Variants in MTX2 observed in about 807,000 individuals in gnomAD.
MTX2 encodes the protein metaxin 2, also known as metaxin-2.
Under a neutral mutation model 42.3 loss-of-function variants are expected in MTX2, and 35 were observed. The ratio of observed to expected loss-of-function variants is 0.83; its 90% CI spans 0.63 to 1.10. The LOEUF (loss-of-function observed/expected upper bound fraction) is 1.10, where lower values mean the gene tolerates loss of function less well. Ranked by LOEUF, MTX2 falls within the 50% of genes least tolerant of loss-of-function variation. The pLI is 0.00. For missense variants in MTX2, 307 were observed against 304.1 expected, an observed-to-expected ratio of 1.01 and a Z score of -0.07; for synonymous variants, 119 against 100.9, an observed-to-expected ratio of 1.18 and a Z score of -1.08.
chr2:176,280,282 T>C (rs893441252), intron 1 of MTX2, among the ~76,000 whole-genome samples: 1 of 151,742 alleles, frequency 6.6e-6, no homozygotes, highest in African/African-American at 2.4e-5. Context: ...TCAAAATCTA[T>C]GTCTGAAGCA....
At chr2:176,323,653 A>C (rs565858672) in intron 4 of MTX2, among the ~76,000 whole-genome samples, 189 bp downstream of exon 4, 1 of 151,732 alleles carries the variant, frequency 6.6e-6, no homozygotes, top group Admixed American at 6.6e-5. Flanking sequence ...ATTCATTTCA[A>C]CTGTGATCAG....
intron 3 of MTX2, among the ~76,000 whole-genome samples, chr2:176,317,662 A>G (rs538614386): frequency 1.3e-5 from 2 of 152,230 alleles, no homozygotes; most frequent in Non-Finnish European, 2.9e-5. Context: ...CCAGAGAGAT[A>G]TCCTGGAGTG....
At chr2:176,317,252 CA>C (rs1438531649) in intron 3 of MTX2, among the ~76,000 whole-genome samples, 1 of 152,070 alleles carries the variant, frequency 6.6e-6, no homozygotes, top group Non-Finnish European at 1.5e-5. Flanking sequence ...CCTCTCTCTA[CA>C]CCCTGATCTC....
At chr2:176,329,925 CTATCTATATTTT>C (rs1419422916) in intron 8 of MTX2, among the ~76,000 whole-genome samples, 1 of 150,846 alleles carries the variant, frequency 6.6e-6, no homozygotes, top group African/African-American at 2.4e-5. Flanking sequence ...ATCTATCTGT[CTATCTATATTTT>C]TGCTACTAAA....
chr2:176,313,556 G>T (rs1020675976), intron 3 of MTX2, among the ~76,000 whole-genome samples: 61 of 151,634 alleles, frequency 4.0e-4, no homozygotes, highest in Non-Finnish European at 4.0e-4. Context: ...CCACCACCCA[G>T]CTAATTTTTG....
intron 1 of MTX2, among the ~76,000 whole-genome samples, chr2:176,294,422 T>C (rs1425326598): frequency 6.6e-6 from 1 of 152,034 alleles, no homozygotes; most frequent in Non-Finnish European, 1.5e-5. Flanking sequence ...TAGCTGGGAT[T>C]ACAGGCGCCA....
chr2:176,287,615 G>A (rs1403996), intron 1 of MTX2, among the ~76,000 whole-genome samples: 111,475 of 152,082 alleles, frequency 0.73, 41,509 homozygotes, highest in African/African-American at 0.86. Context: ...TGGATATACA[G>A]TAGACTCTTA....
intron 3 of MTX2, among the ~76,000 whole-genome samples, chr2:176,305,005 T>A (rs1216337550): frequency 6.6e-6 from 1 of 152,098 alleles, no homozygotes; most frequent in African/African-American, 2.4e-5. Context: ...CTTTAAAAAC[T>A]TATTAAAGGC....
Position 176,295,943 on chromosome 2 carries a change from T to C in MTX2, c.41-917T>C, listed in dbSNP as rs75879165. Among the ~76,000 whole-genome samples the C allele has an allele frequency of 1.4e-4, 21 of 152,256 alleles. No homozygotes were observed. The East Asian group carries it at 4.1e-3, about 29-fold the overall frequency. Reference sequence around the variant, plus strand: ...CATATATTTAGTTGCTGAGAGCAAATGTAGTTATGTTATTAAAATGGGTGA... The same window carrying C: ...CATATATTTAGTTGCTGAGAGCAAACGTAGTTATGTTATTAAAATGGGTGA... On this transcript the variant is annotated intron_variant, in intron 1 of 9. Coordinates refer to ENST00000249442, the MANE Select transcript of MTX2 (RefSeq NM_006554.5).
At chr2:176,283,482 A>G (rs1033043880) in intron 1 of MTX2, among the ~76,000 whole-genome samples, 6 of 152,122 alleles carry the variant, frequency 3.9e-5, no homozygotes, top group Non-Finnish European at 7.4e-5. Context: ...TTCTTGGAGA[A>G]TCTTGCAGTT....
chr2:176,324,402 A>G (rs1216485007), intron 4 of MTX2, among the ~76,000 whole-genome samples: 1 of 151,690 alleles, frequency 6.6e-6, no homozygotes, highest in Non-Finnish European at 1.5e-5. Flanking sequence ...ATGAATATAC[A>G]TTTAGAAAAC....
chr2:176,277,738 T>A (rs1334986795), intron 1 of MTX2, among the ~76,000 whole-genome samples: 4 of 152,132 alleles, frequency 2.6e-5, no homozygotes, highest in African/African-American at 9.7e-5. Context: ...GATATTTTGT[T>A]ATTTTTACTC....
At position 176,326,805 on chromosome 2, in the gene MTX2, C is replaced by CA. The variant is rs1553475214; in HGVS notation, c.209-20_209-19insA. On this transcript the variant is annotated intron_variant, in intron 4 of 9. Coordinates refer to ENST00000249442, the MANE Select transcript of MTX2 (RefSeq NM_006554.5). ...CATACTGGAAGTATTTTTATAAATA[C>CA]TTTTTTTTTCTCTCAACAGGTAAAG... 1 of 1,425,714 alleles carries CA rather than the reference C, an allele frequency of 7.0e-7. No homozygotes were observed. The highest frequency in any genetic ancestry group is 9.5e-7 in the Non-Finnish European group (1 of 1,047,488). 88.3% of individuals were successfully genotyped at this position (1,425,714 alleles called of 1,614,324 possible).
At chr2:176,320,892 TC>T (rs1684569532) in intron 3 of MTX2, among the ~76,000 whole-genome samples, 1 of 152,022 alleles carries the variant, frequency 6.6e-6, no homozygotes, top group African/African-American at 2.4e-5. Context: ...GAATGGGTTC[TC>T]CCTATGTTTT....
intron 9 of MTX2, among the ~76,000 whole-genome samples, chr2:176,334,498 C>A (rs1424831682): frequency 6.6e-6 from 1 of 151,788 alleles, no homozygotes; most frequent in Non-Finnish European, 1.5e-5. Flanking sequence ...GGGATCTATT[C>A]ATTATTGGTT....
chr2:176,274,279 A>T (rs1465576546), intron 1 of MTX2, among the ~76,000 whole-genome samples: 1 of 152,166 alleles, frequency 6.6e-6, no homozygotes, highest in Non-Finnish European at 1.5e-5. Flanking sequence ...TTGATGAGCA[A>T]AGCTATTTCA....
At chr2:176,298,171 A>G (rs1415640416) in intron 3 of MTX2, among the ~76,000 whole-genome samples, 1 of 151,206 alleles carries the variant, frequency 6.6e-6, no homozygotes, top group African/African-American at 2.4e-5. Flanking sequence ...GTGTCTTAGC[A>G]GTTGTTTTGC....
At chr2:176,272,623 C>T (rs1025422029) in intron 1 of MTX2, among the ~76,000 whole-genome samples, 1 of 151,964 alleles carries the variant, frequency 6.6e-6, no homozygotes, top group African/African-American at 2.4e-5. Flanking sequence ...CTGTTAAATA[C>T]GTTGTCTTGA....
At chr2:176,336,950 A>G (rs1056714771) in intron 9 of MTX2, among the ~76,000 whole-genome samples, 2 of 152,194 alleles carry the variant, frequency 1.3e-5, no homozygotes, top group African/African-American at 4.8e-5. Flanking sequence ...CTTATATAAA[A>G]TGGCATAATT....
Sources: allele counts gnomAD v4.1 joint callset (sites outside exome capture counted in the v4.1 genomes callset), GRCh38; gene constraint gnomAD v4.1.1; transcripts MANE v1.5; gene names NCBI Gene and HGNC (gene_info 2026-07-23, HGNC 2026-07-21).